Variants in PRSS55 observed in about 807,000 individuals in gnomAD.
The protein encoded by PRSS55 is serine protease 55.
In PRSS55, 41 loss-of-function variants were observed where a neutral mutation model predicts 23.6. That is an observed-to-expected ratio of 1.74 (90% CI 1.35 to 2.26). PRSS55 has a LOEUF of 2.26. Ranked by LOEUF, PRSS55 falls within the 30% of genes most tolerant of loss-of-function variation. The pLI is 0.00. For missense variants in PRSS55, 669 were observed against 439.1 expected, an observed-to-expected ratio of 1.52 and a Z score of -4.68; for synonymous variants, 262 against 175.5, an observed-to-expected ratio of 1.49 and a Z score of -3.90.
At chr8:10,537,437 A>C (rs569859920) in intron 4 of PRSS55, among the ~76,000 whole-genome samples, 1 of 152,192 alleles carries the variant, frequency 6.6e-6, no homozygotes, top group Non-Finnish European at 1.5e-5. Context: ...GGAGATAAAG[A>C]ATGATGGTTA....
intron 1 of PRSS55, 51 bp from the exon 2 acceptor site, chr8:10,529,456 T>C (rs748468752): frequency 7.0e-6 from 11 of 1,579,678 alleles, no homozygotes; most frequent in Non-Finnish European, 9.6e-6. Context: ...TCACACTGGA[T>C]GCTGACTAAG....
chr8:10,547,553 C>T (rs1167676663), intron 4 of PRSS55: 1 of 152,850 alleles, frequency 6.5e-6, no homozygotes, highest in East Asian at 1.9e-4. Context: ...TGCCTCGCCA[C>T]ATCCCTGGGC....
chr8:10,526,442 C>G (rs1403348264), intron 1 of PRSS55, among the ~76,000 whole-genome samples: 1 of 152,228 alleles, frequency 6.6e-6, no homozygotes, highest in East Asian at 1.9e-4. Context: ...CAGAACACAG[C>G]AGGTTCACCT....
downstream of PRSS55, among the ~76,000 whole-genome samples, chr8:10,542,030 G>C (rs1812670210): frequency 6.6e-6 from 1 of 152,164 alleles, no homozygotes. Flanking sequence ...TCCTGCCATG[G>C]CCTCCCAAAG....
At chr8:10,535,086 G>A (rs1012504703) in intron 4 of PRSS55, among the ~76,000 whole-genome samples, 36 of 152,036 alleles carry the variant, frequency 2.4e-4, no homozygotes, top group African/African-American at 8.2e-4. Context: ...ACAAATGAAA[G>A]ACATTCCATG....
At chr8:10,531,738 C>A (rs941020358) in intron 3 of PRSS55, 193 bp downstream of exon 3, 2 of 667,142 alleles carry the variant, frequency 3.0e-6, no homozygotes, top group Non-Finnish European at 5.0e-6. Flanking sequence ...TGAGCCAGTC[C>A]CCTAGTGCAG....
chr8:10,541,979 G>A (rs543267447), downstream of PRSS55, among the ~76,000 whole-genome samples: 13 of 152,212 alleles, frequency 8.5e-5, no homozygotes, highest in Admixed American at 3.3e-4. Context: ...GTTTCACTAT[G>A]TTGCCCAGGC....
chr8:10,550,570 A>C (rs1307631824), intron 4 of PRSS55, among the ~76,000 whole-genome samples: 1 of 152,150 alleles, frequency 6.6e-6, no homozygotes, highest in Non-Finnish European at 1.5e-5. Flanking sequence ...GACTGGAGAA[A>C]ATTGGAGCAC....
At chr8:10,530,098 G>A (rs182957112) in intron 2 of PRSS55, among the ~76,000 whole-genome samples, 222 of 152,336 alleles carry the variant, frequency 1.5e-3, no homozygotes, top group Non-Finnish European at 2.4e-3. Context: ...CTTGTAGAGC[G>A]TTCTCTGTGT....
intron 4 of PRSS55, among the ~76,000 whole-genome samples, chr8:10,537,253 A>C (rs750143970): frequency 2.0e-5 from 3 of 152,232 alleles, no homozygotes; most frequent in Non-Finnish European, 4.4e-5. Flanking sequence ...ATGAATTGAT[A>C]AAGAAAATTA....
At chr8:10,528,861 T>A (rs938806670) in intron 1 of PRSS55, among the ~76,000 whole-genome samples, 2 of 152,234 alleles carry the variant, frequency 1.3e-5, no homozygotes, top group South Asian at 4.1e-4. Flanking sequence ...TTCCAGCTTC[T>A]AGAAACTTCT....
At chr8:10,526,633 G>C (rs573043326) in intron 1 of PRSS55, among the ~76,000 whole-genome samples, 3 of 152,330 alleles carry the variant, frequency 2.0e-5, no homozygotes, top group Non-Finnish European at 2.9e-5. Context: ...GAACCTGAAA[G>C]TCAACACGAT....
intron 1 of PRSS55, among the ~76,000 whole-genome samples, chr8:10,526,309 C>T (rs759079358): frequency 5.3e-5 from 8 of 152,244 alleles, no homozygotes; most frequent in Non-Finnish European, 1.2e-4. Flanking sequence ...ATGAGGAACT[C>T]AAAGCCTGAG....
intron 4 of PRSS55, among the ~76,000 whole-genome samples, chr8:10,552,910 C>G (rs1168401853): frequency 6.6e-6 from 1 of 152,246 alleles, no homozygotes; most frequent in Non-Finnish European, 1.5e-5. Context: ...TGCAATCCCA[C>G]TTCGGGGTAT....
chr8:10,549,205 G>T (rs144930210), intron 4 of PRSS55, among the ~76,000 whole-genome samples: 32 of 152,318 alleles, frequency 2.1e-4, no homozygotes, highest in African/African-American at 7.2e-4. Context: ...GAAGGATGGA[G>T]CTGGGTCCTG....
At chr8:10,546,023 G>C (rs1457422679) in intron 4 of PRSS55, among the ~76,000 whole-genome samples, 1 of 152,056 alleles carries the variant, frequency 6.6e-6, no homozygotes, top group Non-Finnish European at 1.5e-5. Flanking sequence ...GCAGCTGCTG[G>C]GCACAGATGG....
intron 4 of PRSS55, among the ~76,000 whole-genome samples, chr8:10,534,989 A>G (rs1227804407): frequency 1.3e-5 from 2 of 152,252 alleles, no homozygotes; most frequent in Non-Finnish European, 2.9e-5. Context: ...AGAATAAAAT[A>G]TCTAGGAATA....
chr8:10,538,879 C>T, downstream of PRSS55: 5 of 1,354,598 alleles, frequency 3.7e-6, no homozygotes, highest in Non-Finnish European at 4.0e-6. Flanking sequence ...GCTCAGGGCT[C>T]AAGGATGGAA....
At position 10,538,532 on chromosome 8, in the gene PRSS55, G is replaced by C. The variant is rs759849898; in HGVS notation, c.798G>C (p.Gln266His). The change falls in exon 5 of 5, where the codon CAG (glutamine) becomes CAC (histidine). Residue 266 changes from glutamine to histidine, a missense_variant. Physicochemically the swap from Gln to His is conservative, Grantham distance 24 (BLOSUM62 0). Transcript: ENST00000328655. ...CTPEPGEKWY[Q>H]VGIISWGKSC... ...CAGAGCCTGGTGAGAAGTGGTACCA[G>C]GTGGGCATCATAAGCTGGGGAAAGA... 4.3e-6 allele frequency: 7 copies of C among 1,614,072 alleles called. No homozygotes were observed. The African/African-American group carries it at 8.0e-5, about 18-fold the overall frequency.
Sources: allele counts gnomAD v4.1 joint callset (sites outside exome capture counted in the v4.1 genomes callset), GRCh38; gene constraint gnomAD v4.1.1; transcripts MANE v1.5; gene names NCBI Gene and HGNC (gene_info 2026-07-23, HGNC 2026-07-21).